ST6GALNAC3: variants seen among roughly 807,000 people sequenced by gnomAD.
ST6GALNAC3 encodes the protein ST6 N-acetylgalactosaminide alpha-2,6-sialyltransferase 3.
Under a neutral mutation model 32.7 loss-of-function variants are expected in ST6GALNAC3, and 25 were observed. That is an observed-to-expected ratio of 0.76 (90% CI 0.56 to 1.07). The LOEUF is 1.07. ST6GALNAC3 is among the 50% of genes least tolerant of loss of function. ST6GALNAC3 has a pLI of 0.00. For missense variants in ST6GALNAC3, 355 were observed against 382.4 expected (o/e 0.93, Z 0.60); for synonymous variants, 129 against 133.1 (o/e 0.97, Z 0.21).
chr1:76,513,486 T>C (rs1015440419), intron 3 of ST6GALNAC3, among the ~76,000 whole-genome samples: 1 of 152,194 alleles, frequency 6.6e-6, no homozygotes, highest in African/African-American at 2.4e-5. Flanking sequence ...TCCATTGATC[T>C]GTGTGTCTGC....
intron 1 of ST6GALNAC3, among the ~76,000 whole-genome samples, chr1:76,220,402 A>C (rs939163042): frequency 6.6e-6 from 1 of 152,222 alleles, no homozygotes; most frequent in African/African-American, 2.4e-5. Flanking sequence ...TAACTTTAGC[A>C]GTTTGGTTCA....
chr1:76,629,973 C>A lies in ST6GALNAC3; in HGVS notation c.*1167C>A. The A allele has an allele frequency of 1.0e-6, 1 of 984,486 alleles. No individual in the cohort carries two copies. The allele number at this position is 984,486 out of a possible 1,614,324, so 61.0% of individuals were successfully genotyped here. On this transcript the variant is annotated 3_prime_UTR_variant, in exon 5 of 5. Transcript: ENST00000328299. ...TTCCCATAGTGTATCAGTTGTTATG[C>A]CACAATAACAACAATAATAATGTTC...
intron 2 of ST6GALNAC3, among the ~76,000 whole-genome samples, chr1:76,363,109 A>C (rs1650098119): frequency 6.6e-6 from 1 of 152,238 alleles, no homozygotes; most frequent in South Asian, 2.1e-4. Context: ...GACAGGCTGC[A>C]AATTTTCTAA....
intron 1 of ST6GALNAC3, among the ~76,000 whole-genome samples, chr1:76,305,635 G>T (rs1028028208): frequency 6.6e-6 from 1 of 152,098 alleles, no homozygotes; most frequent in African/African-American, 2.4e-5. Flanking sequence ...ATCACCAGCA[G>T]ATATTAAATT....
intron 3 of ST6GALNAC3, among the ~76,000 whole-genome samples, chr1:76,622,351 T>G (rs1329449946): frequency 6.6e-6 from 1 of 151,878 alleles, no homozygotes; most frequent in African/African-American, 2.4e-5. Context: ...GGTTAAAAAG[T>G]AAGATAATGG....
At chr1:76,499,484 T>G (rs964284702) in intron 3 of ST6GALNAC3, among the ~76,000 whole-genome samples, 1 of 152,126 alleles carries the variant, frequency 6.6e-6, no homozygotes, top group East Asian at 1.9e-4. Flanking sequence ...CAGCTGGTCT[T>G]TTTATCTTTC....
At chr1:76,573,486 G>C (rs1434144244) in intron 3 of ST6GALNAC3, among the ~76,000 whole-genome samples, 2 of 152,040 alleles carry the variant, frequency 1.3e-5, no homozygotes, top group African/African-American at 4.8e-5. Flanking sequence ...CAGGCAACCT[G>C]AGTGCTTAGT....
At chr1:76,537,332 G>A (rs190285989) in intron 3 of ST6GALNAC3, among the ~76,000 whole-genome samples, 1 of 152,244 alleles carries the variant, frequency 6.6e-6, no homozygotes, top group East Asian at 1.9e-4. Context: ...GCAGTGTTAA[G>A]CGGGAAATTT....
chr1:76,278,471 T>C (rs1027480151), intron 1 of ST6GALNAC3, among the ~76,000 whole-genome samples: 4 of 151,852 alleles, frequency 2.6e-5, no homozygotes, highest in Non-Finnish European at 5.9e-5. Context: ...TCCGCCCATC[T>C]CGGCCTCCCA....
intron 1 of ST6GALNAC3, among the ~76,000 whole-genome samples, chr1:76,244,550 G>A (rs1287258681): frequency 6.6e-6 from 1 of 152,044 alleles, no homozygotes; most frequent in African/African-American, 2.4e-5. Flanking sequence ...ATGCTTCCAG[G>A]TTTTGTCCAT....
At chr1:76,252,561 T>C (rs569959715) in intron 1 of ST6GALNAC3, among the ~76,000 whole-genome samples, 1 of 152,046 alleles carries the variant, frequency 6.6e-6, no homozygotes, top group Non-Finnish European at 1.5e-5. Flanking sequence ...CTTTTTTTTT[T>C]AAATTTCTTG....
At chr1:76,621,581 CA>C (rs1648654919) in intron 3 of ST6GALNAC3, among the ~76,000 whole-genome samples, 1 of 151,978 alleles carries the variant, frequency 6.6e-6, no homozygotes, top group Non-Finnish European at 1.5e-5. Context: ...GAATGATATA[CA>C]AAAATATATG....
chr1:76,583,116 A>G (rs1646914491), intron 3 of ST6GALNAC3, among the ~76,000 whole-genome samples: 1 of 152,194 alleles, frequency 6.6e-6, no homozygotes. Flanking sequence ...GGGAGACTAT[A>G]CCGGATGCTG....
chr1:76,201,330 G>A (rs972125733), intron 1 of ST6GALNAC3, among the ~76,000 whole-genome samples: 13 of 152,164 alleles, frequency 8.5e-5, no homozygotes, highest in African/African-American at 2.9e-4. Context: ...ATGTGCTGGG[G>A]AACTCCCCTT....
At chr1:76,377,130 T>A (rs1456231279) in intron 2 of ST6GALNAC3, among the ~76,000 whole-genome samples, 1 of 151,850 alleles carries the variant, frequency 6.6e-6, no homozygotes, top group Non-Finnish European at 1.5e-5. Context: ...AGAAAAGAAG[T>A]GAAAACCAAA....
intron 2 of ST6GALNAC3, among the ~76,000 whole-genome samples, chr1:76,341,133 AT>A (rs1177728322): frequency 6.6e-6 from 1 of 151,540 alleles, no homozygotes; most frequent in Non-Finnish European, 1.5e-5. Flanking sequence ...TGGGCTTCTG[AT>A]GATCCTGTTA....
chr1:76,271,248 G>C (rs920436997), intron 1 of ST6GALNAC3, among the ~76,000 whole-genome samples: 2 of 152,204 alleles, frequency 1.3e-5, no homozygotes, highest in African/African-American at 4.8e-5. Context: ...GCGGGCTGTG[G>C]TATGGGTGTA....
chr1:76,317,589 T>A (rs1413107884), intron 2 of ST6GALNAC3, among the ~76,000 whole-genome samples: 2 of 152,144 alleles, frequency 1.3e-5, no homozygotes, highest in Non-Finnish European at 2.9e-5. Context: ...CAGAAGACTT[T>A]CCCCTTAAAT....
intron 3 of ST6GALNAC3, among the ~76,000 whole-genome samples, chr1:76,474,348 G>A (rs1026404133): frequency 1.3e-5 from 2 of 152,146 alleles, no homozygotes; most frequent in African/African-American, 4.8e-5. Context: ...AAAGGTAGAG[G>A]AAAATGTGGG....
Sources: allele counts gnomAD v4.1 joint callset (sites outside exome capture counted in the v4.1 genomes callset), GRCh38; gene constraint gnomAD v4.1.1; transcripts MANE v1.5; gene names NCBI Gene and HGNC (gene_info 2026-07-23, HGNC 2026-07-21).